RUNDC3B: variants seen among roughly 807,000 people sequenced by gnomAD.
RUNDC3B encodes RUN domain-containing protein 3B.
Under a neutral mutation model 58.4 loss-of-function variants are expected in RUNDC3B, and 33 were observed. The observed-to-expected ratio is 0.56, with a 90% CI of 0.43 to 0.75. The LOEUF (loss-of-function observed/expected upper bound fraction) is 0.75. Ranked by LOEUF, RUNDC3B falls within the 30% of genes least tolerant of loss-of-function variation. The pLI, the probability that RUNDC3B is intolerant of heterozygous loss-of-function variation, is 0.00. For missense variants in RUNDC3B, 501 were observed against 535.7 expected, an observed-to-expected ratio of 0.94 and a Z score of 0.64; for synonymous variants, 193 against 195.2, an observed-to-expected ratio of 0.99 and a Z score of 0.10.
chr7:87,830,866 A>AT lies in RUNDC3B; in HGVS notation c.*839dup, dbSNP rs1162109070. On this transcript the variant is annotated 3_prime_UTR_variant, in exon 11 of 11. Coordinates refer to ENST00000394654, the MANE Select transcript of RUNDC3B (RefSeq NM_001134405.2). ...GGAAAGAGTTCAAGTTCAGTTAAGG[A>AT]TTTGAGAGGCTTTTAAACAAGGATC... 1 of 151,668 alleles carries AT rather than the reference A, an allele frequency of 6.6e-6. No individual in the cohort carries two copies. The highest frequency in any genetic ancestry group is 1.5e-5 in the Non-Finnish European group (1 of 67,828). The allele number at this position is 151,668 out of a possible 1,614,324, so 9.4% of individuals were successfully genotyped here.
intron 1 of RUNDC3B, among the ~76,000 whole-genome samples, chr7:87,645,375 C>T (rs895699576): frequency 6.6e-5 from 10 of 152,076 alleles, no homozygotes; most frequent in African/African-American, 1.7e-4. Context: ...TGAGCCACCA[C>T]GCCTGGCCCA....
intron 2 of RUNDC3B, among the ~76,000 whole-genome samples, chr7:87,689,218 A>G (rs1199554971): frequency 1.3e-5 from 2 of 152,084 alleles, no homozygotes; most frequent in Non-Finnish European, 2.9e-5. Context: ...AGTTAAAGAA[A>G]TGTTTTAGTC....
At chr7:87,657,982 A>G (rs1397907998) in intron 2 of RUNDC3B, among the ~76,000 whole-genome samples, 2 of 152,178 alleles carry the variant, frequency 1.3e-5, no homozygotes, top group Non-Finnish European at 2.9e-5. Context: ...TCATAACATA[A>G]TATAAATATG....
intron 2 of RUNDC3B, among the ~76,000 whole-genome samples, chr7:87,671,767 G>T (rs1278744213): frequency 6.6e-6 from 1 of 152,136 alleles, no homozygotes; most frequent in Non-Finnish European, 1.5e-5. Context: ...CTGTGCTGGA[G>T]GTCCACTTCA....
intron 3 of RUNDC3B, among the ~76,000 whole-genome samples, chr7:87,703,901 T>TGG (rs1829334217): frequency 8.8e-6 from 1 of 113,328 alleles, no homozygotes; most frequent in Non-Finnish European, 1.9e-5. Flanking sequence ...TTTTTTTTTT[T>TGG]TTTTTTTTTT....
chr7:87,655,789 C>A (rs777888034), intron 2 of RUNDC3B, among the ~76,000 whole-genome samples: 3 of 152,046 alleles, frequency 2.0e-5, no homozygotes, highest in African/African-American at 7.2e-5. Context: ...GGAAACTTAA[C>A]CCCCTGTCCA....
intron 6 of RUNDC3B, among the ~76,000 whole-genome samples, chr7:87,752,706 G>T (rs533948456): frequency 4.6e-5 from 7 of 152,144 alleles, no homozygotes; most frequent in Non-Finnish European, 1.0e-4. Flanking sequence ...GTATTTCTGT[G>T]GGATTGGTAG....
At chr7:87,812,906 A>C (rs1465086338) in intron 9 of RUNDC3B, among the ~76,000 whole-genome samples, 13 of 152,198 alleles carry the variant, frequency 8.5e-5, no homozygotes, top group African/African-American at 2.9e-4. Flanking sequence ...CCGTTACCGC[A>C]TGACTACAAA....
At chr7:87,780,633 T>C (rs1158221070) in intron 8 of RUNDC3B, among the ~76,000 whole-genome samples, 1 of 152,146 alleles carries the variant, frequency 6.6e-6, no homozygotes, top group Non-Finnish European at 1.5e-5. Flanking sequence ...ATTTTTGTTT[T>C]TGTTGTAATT....
rs550097465 is a variant in RUNDC3B, at chr7:87,683,435, C to T, written c.239-16986C>T. 3.9e-5 allele frequency among the ~76,000 whole-genome samples: 6 copies of T among 152,234 alleles called. No homozygotes were observed. The South Asian group carries it at 1.0e-3, about 26-fold the overall frequency. ...CCTCAATAAGATTAATCGTGTACAG[C>T]TTTTGATTTAAAGTGAGATATATGC... On this transcript the variant is annotated intron_variant, in intron 2 of 10. Transcript: ENST00000394654.
chr7:87,651,535 A>C (rs1823570039), intron 2 of RUNDC3B, among the ~76,000 whole-genome samples: 1 of 152,132 alleles, frequency 6.6e-6, no homozygotes, highest in African/African-American at 2.4e-5. Context: ...TATAGTATAA[A>C]TCTTAGTAAC....
chr7:87,813,208 C>T (rs150533765), intron 9 of RUNDC3B, among the ~76,000 whole-genome samples: 102 of 152,292 alleles, frequency 6.7e-4, no homozygotes, highest in Non-Finnish European at 1.3e-3. Context: ...AGTAATTGTT[C>T]ACTAACTGTG....
At chr7:87,660,188 G>A (rs1824546456) in intron 2 of RUNDC3B, among the ~76,000 whole-genome samples, 1 of 151,998 alleles carries the variant, frequency 6.6e-6, no homozygotes, top group African/African-American at 2.4e-5. Context: ...GGTCTATTAG[G>A]TAGCAGTTAC....
chr7:87,648,927 T>C (rs1405793724), intron 1 of RUNDC3B, among the ~76,000 whole-genome samples: 1 of 152,166 alleles, frequency 6.6e-6, no homozygotes, highest in Non-Finnish European at 1.5e-5. Context: ...ATAACCTATA[T>C]AAACAAATCT....
intron 6 of RUNDC3B, 28 bp from the exon 7 acceptor site, chr7:87,770,553 C>CT (rs780148227): frequency 2.1e-5 from 33 of 1,570,030 alleles, no homozygotes; most frequent in Admixed American, 9.2e-5. Context: ...ATATTTTTAA[C>CT]TTTTTTTTAA....
intron 4 of RUNDC3B, among the ~76,000 whole-genome samples, chr7:87,714,601 G>T (rs926883264): frequency 6.6e-6 from 1 of 152,102 alleles, no homozygotes; most frequent in East Asian, 1.9e-4. Context: ...AGTAACAGTT[G>T]CAACAAAAGC....
chr7:87,734,787 ACTCCAT>A lies in RUNDC3B; in HGVS notation c.459-4999_459-4994del, dbSNP rs201547206. ...ATGGATATTTCTCTGTCCATACTGTACTCCATCTCCCAGCTACTTCCAGTAGAAGTT... is the reference window on the plus strand; with the variant it reads ...ATGGATATTTCTCTGTCCATACTGTACTCCCAGCTACTTCCAGTAGAAGTT... On this transcript the variant is annotated intron_variant, in intron 4 of 10. Transcript: ENST00000394654. Among the ~76,000 whole-genome samples, 1,311 of 152,210 alleles carry A rather than the reference ACTCCAT, an allele frequency of 8.6e-3. 9 individuals carry two copies. The highest frequency in any genetic ancestry group is 0.014 in the Admixed American group (219 of 15,292).
At chr7:87,646,425 T>G (rs1823009901) in intron 1 of RUNDC3B, among the ~76,000 whole-genome samples, 1 of 152,192 alleles carries the variant, frequency 6.6e-6, no homozygotes, top group Non-Finnish European at 1.5e-5. Flanking sequence ...TTTTGATGAA[T>G]TAAGCACTTT....
At chr7:87,703,885 C>CTTTTTTTTTTTTTTTTTTTTTTTTGTTT (rs1829311805) in intron 3 of RUNDC3B, among the ~76,000 whole-genome samples, 1 of 60,284 alleles carries the variant, frequency 1.7e-5, no homozygotes, top group African/African-American at 6.3e-5. Context: ...TCAGTTTTTT[C>CTTTTTTTTTTTTTTTTTTTTTTTTGTTT]TTTTTTTTTT....
Sources: gnomAD v4.1 joint callset for allele counts (sites outside exome capture counted in the v4.1 genomes callset) on GRCh38, gnomAD v4.1.1 for gene constraint, MANE v1.5 for transcripts, NCBI Gene and HGNC (gene_info 2026-07-23, HGNC 2026-07-21) for gene names.